The following WDR35 variants were observed in gnomAD, a reference collection of about 807,000 sequenced individuals.
WDR35 encodes WD repeat-containing protein 35.
A neutral mutation model predicts 158.3 loss-of-function variants in WDR35; 118 were observed. That is an observed-to-expected ratio of 0.75 (90% CI 0.64 to 0.87). The LOEUF (loss-of-function observed/expected upper bound fraction) is 0.87. Among genes scored for constraint, WDR35 ranks in the 40% least tolerant of loss-of-function variants. The pLI, the probability that WDR35 is intolerant of heterozygous loss-of-function variation, is 0.00. For synonymous variants in WDR35, 448 were observed against 476.1 expected, an observed-to-expected ratio of 0.94 and a Z score of 0.77; for missense variants, 1,263 against 1,405.8, an observed-to-expected ratio of 0.90 and a Z score of 1.62.
At position 19,956,823 on chromosome 2, in the gene WDR35, G is replaced by A. The variant is rs533280957; in HGVS notation, c.1256-2845C>T. On this transcript the variant is annotated intron_variant, in intron 11 of 26. Transcript: ENST00000281405. ...TTTAGTAGAGACGGGGTTTCACCGT[G>A]TTAGCCAGGATGGTCTCGATCTCCT... Among the ~76,000 whole-genome samples the A allele has an allele frequency of 3.9e-5, 6 of 152,064 alleles. No homozygotes were observed. In the East Asian group the frequency reaches 1.2e-3, roughly 29 times the overall value.
At chr2:19,970,503 T>A (rs1307940997) in intron 8 of WDR35, among the ~76,000 whole-genome samples, 1 of 152,206 alleles carries the variant, frequency 6.6e-6, no homozygotes, top group African/African-American at 2.4e-5. Flanking sequence ...TATACTCTGC[T>A]GTCACAATTA....
intron 7 of WDR35, 107 bp from the exon 8 acceptor site, chr2:19,973,815 T>TA (rs869141275): frequency 1.4e-6 from 2 of 1,469,824 alleles, no homozygotes; most frequent in Non-Finnish European, 9.3e-7. Flanking sequence ...TCCACATTTT[T>TA]AAAAAAACAG....
intron 8 of WDR35, among the ~76,000 whole-genome samples, chr2:19,970,086 G>A (rs1671990916): frequency 6.6e-6 from 1 of 151,962 alleles, no homozygotes. Flanking sequence ...ATGCATATAA[G>A]AAAAATTTAC....
At chr2:19,922,854 G>A (rs554430404) in intron 25 of WDR35, among the ~76,000 whole-genome samples, 16 of 152,250 alleles carry the variant, frequency 1.1e-4, no homozygotes, top group Middle Eastern at 3.4e-3. Context: ...TAACACCCAC[G>A]CTGGAAGGTT....
chr2:19,979,571 G>A (rs1226833579), intron 4 of WDR35, among the ~76,000 whole-genome samples: 1 of 152,090 alleles, frequency 6.6e-6, no homozygotes, highest in East Asian at 1.9e-4. Context: ...AGGCTATTTT[G>A]TTTTTGCTTT....
At chr2:19,915,476 G>C (rs996138523) in intron 25 of WDR35, among the ~76,000 whole-genome samples, 1 of 151,050 alleles carries the variant, frequency 6.6e-6, no homozygotes, top group East Asian at 1.9e-4. Flanking sequence ...TCTTCACCTA[G>C]TAGGTGAAGC....
chr2:19,952,157 A>T (rs934179795), intron 12 of WDR35, among the ~76,000 whole-genome samples: 4 of 151,960 alleles, frequency 2.6e-5, no homozygotes, highest in African/African-American at 9.7e-5. Context: ...CTTATCCCTT[A>T]CCCCCTACTA....
Position 19,989,146 on chromosome 2 carries a change from T to G in WDR35, c.142+19A>C. On this transcript the variant is annotated intron_variant, in intron 2 of 26. Transcript: ENST00000281405. ...ATTAGCCAATTTACTACCAAACATG[T>G]GGGCTTGCATTCATTTACCTGTCTG... is the stretch of plus-strand genomic sequence containing the variant. 6.2e-7 allele frequency: 1 copy of G among 1,605,884 alleles called. No homozygotes were observed. The highest frequency in any genetic ancestry group is 8.5e-7 in the Non-Finnish European group (1 of 1,172,510).
At chr2:19,933,338 C>A in intron 22 of WDR35, 63 bp downstream of exon 22, 3 of 1,388,610 alleles carry the variant, frequency 2.2e-6, no homozygotes, top group South Asian at 2.3e-5. Flanking sequence ...TGACTTTAAC[C>A]TTGCTTTGAC....
rs1558317621 is a variant in WDR35 at position 19,913,541 on chromosome 2, TAC to T, written c.*15_*16del. 6.2e-7 allele frequency: 1 copy of T among 1,613,870 alleles called. No homozygotes were observed. The highest frequency in any genetic ancestry group is 8.5e-7 in the Non-Finnish European group (1 of 1,179,886). ...ATGCTACATATATTTTACAGTTATATACAGTTTATCATTCCTTTATCCCACTG... is the reference window on the plus strand; with the variant it reads ...ATGCTACATATATTTTACAGTTATATAGTTTATCATTCCTTTATCCCACTG... On this transcript the variant is annotated 3_prime_UTR_variant, in exon 27 of 27. Transcript: ENST00000281405.
chr2:19,985,736 A>G (rs187169079), intron 2 of WDR35, among the ~76,000 whole-genome samples: 16,929 of 150,354 alleles, frequency 0.11, 1,381 homozygotes, highest in African/African-American at 0.24. Flanking sequence ...AAAAAAAAAA[A>G]AATACAAAAA....
At position 19,938,418 on chromosome 2, in the gene WDR35, A is replaced by T; in HGVS notation, c.1927-17T>A. Reference sequence around the variant, plus strand: ...TTCTGGATCCTAAAAGTAAAGATGAAAACAAAAAAATTCAAATATTTGCCG... The same window carrying T: ...TTCTGGATCCTAAAAGTAAAGATGATAACAAAAAAATTCAAATATTTGCCG... On this transcript the variant is annotated splice_polypyrimidine_tract_variant and intron_variant, in intron 17 of 26. Transcript: ENST00000281405. 6.2e-7 allele frequency: 1 copy of T among 1,613,340 alleles called. No individual in the cohort carries two copies. The highest frequency in any genetic ancestry group is 1.1e-5 in the South Asian group (1 of 90,978).
chr2:19,974,694 T>A, intron 6 of WDR35, 61 bp from the exon 7 acceptor site: 1 of 1,478,106 alleles, frequency 6.8e-7, no homozygotes. Flanking sequence ...ATAGAGACAA[T>A]ACTCAATAGA....
chr2:19,955,868 A>G (rs1277197364), intron 11 of WDR35, among the ~76,000 whole-genome samples: 1 of 150,062 alleles, frequency 6.7e-6, no homozygotes, highest in African/African-American at 2.4e-5. Context: ...ATTAAATTCA[A>G]TAATTTTTAT....
In WDR35 at chr2:19,911,797, G is replaced by A. The variant is rs771512381; in HGVS notation, c.*1761C>T. On this transcript the variant is annotated 3_prime_UTR_variant, in exon 27 of 27. Coordinates refer to ENST00000281405, the MANE Select transcript of WDR35 (RefSeq NM_020779.4). ...ACTAAGTATGCATGAGACATATAAA[G>A]CCTTCAGTATGTGTGAGAAGTTGAT... The A allele has an allele frequency of 1.3e-5, 2 of 152,190 alleles. No individual in the cohort carries two copies. The highest frequency in any genetic ancestry group is 2.9e-5 in the Non-Finnish European group (2 of 68,032). 9.4% of individuals were successfully genotyped at this position (152,190 alleles called of 1,614,324 possible). A position where few individuals can be genotyped will look rare whatever the true frequency, so the allele number is the denominator to read the frequency against.
At chr2:19,964,072 T>A (rs1386746469) in intron 10 of WDR35, among the ~76,000 whole-genome samples, 1 of 152,166 alleles carries the variant, frequency 6.6e-6, no homozygotes, top group Non-Finnish European at 1.5e-5. Flanking sequence ...GTTGGAAAAC[T>A]ATCCCTGCAA....
chr2:19,917,864 C>T (rs1311454480), intron 25 of WDR35, among the ~76,000 whole-genome samples: 2 of 152,072 alleles, frequency 1.3e-5, no homozygotes, highest in African/African-American at 4.8e-5. Flanking sequence ...CAAGGCAGGC[C>T]AACATTCAAA....
chr2:19,922,729 T>C (rs1427102376), intron 25 of WDR35, among the ~76,000 whole-genome samples: 1 of 152,032 alleles, frequency 6.6e-6, no homozygotes, highest in Admixed American at 6.6e-5. Context: ...AAAAAAAGTA[T>C]AAATTTAGTT....
chr2:19,932,679 GAAAGTTTC>G (rs566747267), intron 22 of WDR35, among the ~76,000 whole-genome samples: 11 of 152,172 alleles, frequency 7.2e-5, no homozygotes, highest in African/African-American at 2.6e-4. Flanking sequence ...ATGTGAAAAT[GAAAGTTTC>G]AAAGTTTATA....
Sources: allele counts gnomAD v4.1 joint callset (sites outside exome capture counted in the v4.1 genomes callset), GRCh38; gene constraint gnomAD v4.1.1; transcripts MANE v1.5; gene names NCBI Gene and HGNC (gene_info 2026-07-23, HGNC 2026-07-21).